DPP6: variants seen among roughly 807,000 people sequenced by gnomAD.
DPP6 encodes the protein A-type potassium channel modulatory protein DPP6.
In DPP6, 69 loss-of-function variants were observed where a neutral mutation model predicts 122.6. That is an observed-to-expected ratio of 0.56 (90% CI 0.46 to 0.69). The LOEUF (loss-of-function observed/expected upper bound fraction) is 0.69. DPP6 is among the 30% of genes least tolerant of loss of function. The pLI, the probability that DPP6 is intolerant of heterozygous loss-of-function variation, is 0.00. For synonymous variants in DPP6, 418 were observed against 433.1 expected (o/e 0.97, Z 0.43); for missense variants, 928 against 1,116.9 (o/e 0.83, Z 2.41).
intron 1 of DPP6, among the ~76,000 whole-genome samples, chr7:153,894,598 G>A (rs4726341): frequency 6.6e-6 from 1 of 152,058 alleles, no homozygotes; most frequent in South Asian, 2.1e-4. Context: ...GTCATCTATG[G>A]GTGTTGTGGA....
At position 154,495,879 on chromosome 7, in the gene DPP6, G is replaced by T. The variant is rs150432258; in HGVS notation, c.457+20842G>T. On this transcript the variant is annotated intron_variant, in intron 3 of 25. Coordinates refer to ENST00000377770, the MANE Select transcript of DPP6 (RefSeq NM_130797.4). ...GCAGGAAGGGACACAGAAGGAAAAA[G>T]ACACACTGAACATTTGGCACAGCAG... Among the ~76,000 whole-genome samples the T allele has an allele frequency of 5.3e-5, 8 of 152,262 alleles. No individual in the cohort carries two copies. The East Asian group carries it at 1.5e-3, about 29-fold the overall frequency.
rs138055832 is a variant in DPP6, at chr7:154,707,573, C to T, written c.763-20194C>T. Among the ~76,000 whole-genome samples the T allele has an allele frequency of 2.5e-3, 385 of 152,238 alleles. 1 individual carries two copies. Among genetic ancestry groups the T allele is most frequent in the African/African-American group, 9.0e-3 (372 of 41,536 alleles). The stretch of plus-strand genomic sequence containing the variant: ...CTCGCCAGGTCCATCGGACATGCCC[C>T]GAGGGTGTTTGTGGTGTTGATGATG... On this transcript the variant is annotated intron_variant, in intron 7 of 25. Coordinates refer to ENST00000377770, the MANE Select transcript of DPP6 (RefSeq NM_130797.4).
chr7:154,746,892 G>A (rs62475813), intron 8 of DPP6, among the ~76,000 whole-genome samples: 13,840 of 152,178 alleles, frequency 0.091, 871 homozygotes, highest in Non-Finnish European at 0.13. Context: ...AAAATAAGTC[G>A]TTCAAGCTCT....
At chr7:153,851,284 A>T in the DPP6 span, among the ~76,000 whole-genome samples, 1 of 152,238 alleles carries the variant, frequency 6.6e-6, no homozygotes, top group East Asian at 1.9e-4. Context: ...ACATTTTACT[A>T]AATTACTTGC....
intron 5 of DPP6, among the ~76,000 whole-genome samples, chr7:154,577,315 G>A (rs1191722890): frequency 2.6e-5 from 4 of 152,134 alleles, no homozygotes; most frequent in African/African-American, 9.7e-5. Flanking sequence ...AGAGGAAGCC[G>A]AGACCCCTGA....
the DPP6 span, among the ~76,000 whole-genome samples, chr7:153,750,285 A>G: frequency 2.0e-5 from 3 of 152,098 alleles, no homozygotes; most frequent in Middle Eastern, 6.8e-3. Flanking sequence ...CTCTGTTCTC[A>G]CTATGATTTG....
chr7:154,347,998 T>C (rs1409992231), intron 1 of DPP6, among the ~76,000 whole-genome samples: 1 of 152,188 alleles, frequency 6.6e-6, no homozygotes, highest in African/African-American at 2.4e-5. Flanking sequence ...TTAGCAGCAG[T>C]ATTTGGCAGT....
chr7:154,586,440 C>G (rs1832454819), intron 5 of DPP6, among the ~76,000 whole-genome samples: 1 of 152,012 alleles, frequency 6.6e-6, no homozygotes, highest in Non-Finnish European at 1.5e-5. Context: ...GGTTTTGGCC[C>G]CATAGATGAG....
At chr7:153,871,530 A>G in the DPP6 span, among the ~76,000 whole-genome samples, 8 of 152,078 alleles carry the variant, frequency 5.3e-5, no homozygotes, top group African/African-American at 1.9e-4. Flanking sequence ...GAGTGACCCA[A>G]TTTTCCAGGT....
chr7:154,391,249 G>A (rs904404020), intron 1 of DPP6, among the ~76,000 whole-genome samples: 1 of 152,208 alleles, frequency 6.6e-6, no homozygotes, highest in Admixed American at 6.5e-5. Flanking sequence ...GTTTTACTCA[G>A]TCCTTTTGGG....
chr7:154,339,639 GT>G (rs4043175), intron 1 of DPP6, among the ~76,000 whole-genome samples: 107,358 of 151,112 alleles, frequency 0.71, 39,385 homozygotes, highest in East Asian at 0.86. Context: ...AAACACACTA[GT>G]TTTTTTTTTT....
chr7:154,629,323 G>A (rs1047876355), intron 5 of DPP6, among the ~76,000 whole-genome samples: 8 of 152,148 alleles, frequency 5.3e-5, no homozygotes, highest in Admixed American at 2.6e-4. Context: ...CTTCTTTTTG[G>A]TGCTTTTATT....
At chr7:153,950,233 G>A (rs1263996365) in intron 1 of DPP6, among the ~76,000 whole-genome samples, 1 of 152,082 alleles carries the variant, frequency 6.6e-6, no homozygotes, top group Non-Finnish European at 1.5e-5. Context: ...GAGGCTTCTG[G>A]GTTGAATAGG....
At chr7:154,708,244 A>G (rs1840944299) in intron 7 of DPP6, among the ~76,000 whole-genome samples, 1 of 152,200 alleles carries the variant, frequency 6.6e-6, no homozygotes, top group African/African-American at 2.4e-5. Context: ...TGGGCTTTCC[A>G]CTACCATCAG....
At chr7:153,849,996 A>G in the DPP6 span, among the ~76,000 whole-genome samples, 198 of 152,278 alleles carry the variant, frequency 1.3e-3, 3 homozygotes, top group African/African-American at 4.2e-3. Context: ...ATTTTGCATC[A>G]TATTCTTGTT....
the DPP6 span, among the ~76,000 whole-genome samples, chr7:153,766,937 A>G: frequency 6.6e-6 from 1 of 152,214 alleles, no homozygotes; most frequent in Non-Finnish European, 1.5e-5. Context: ...TGAAAAAATC[A>G]GTGACTGAGC....
intron 1 of DPP6, among the ~76,000 whole-genome samples, chr7:154,126,883 A>G (rs546561083): frequency 2.6e-5 from 4 of 152,296 alleles, no homozygotes; most frequent in African/African-American, 7.2e-5. Flanking sequence ...ATTTGAGTCA[A>G]AATATCCCTA....
At position 154,477,329 on chromosome 7, in the gene DPP6, G is replaced by T. The variant is rs548622721; in HGVS notation, c.457+2292G>T. ...TTCTCTGCTTCTCCTTCTCCTTCTC[G>T]TGGAGAGGCAGAATTCAAGGATGAA... On this transcript the variant is annotated intron_variant, in intron 3 of 25. Transcript: ENST00000377770. Among the ~76,000 whole-genome samples the T allele has an allele frequency of 3.3e-5, 5 of 151,852 alleles. No individual in the cohort carries two copies. In the South Asian group the frequency reaches 1.0e-3, roughly 32 times the overall value.
Position 154,877,405 on chromosome 7 carries a change from G to GCACACA in DPP6, c.2078+1327_2078+1332dup, listed in dbSNP as rs3837065. Among the ~76,000 whole-genome samples the GCACACA allele has an allele frequency of 4.0e-4, 60 of 149,886 alleles. No homozygotes were observed. The East Asian group carries it at 5.8e-3, about 14-fold the overall frequency. On this transcript the variant is annotated intron_variant, in intron 20 of 25. Transcript: ENST00000377770. This position sits in a 1 kb window ranked among gnomAD's most constrained non-coding sequence, Gnocchi z 5.2. ...TGACTACAACAACACATGTGTGCGT[G>GCACACA]CACACACACACACACACACACACAC...
Sources: allele counts gnomAD v4.1 joint callset (sites outside exome capture counted in the v4.1 genomes callset), GRCh38; gene constraint gnomAD v4.1.1; non-coding constraint Gnocchi (gnomAD v3.1); transcripts MANE v1.5; gene names NCBI Gene and HGNC (gene_info 2026-07-23, HGNC 2026-07-21).